Variants in KIF6 observed in about 807,000 individuals in gnomAD.
KIF6 encodes kinesin-like protein KIF6.
KIF6 carries 106 observed loss-of-function variants against 112.7 expected under a neutral mutation model. The ratio of observed to expected loss-of-function variants is 0.94; its 90% CI spans 0.80 to 1.11. KIF6 has a LOEUF of 1.11. Among genes scored for constraint, KIF6 ranks in the 50% least tolerant of loss-of-function variants. The pLI, the probability that KIF6 is intolerant of heterozygous loss-of-function variation, is 0.00. For missense variants in KIF6, 929 were observed against 964.0 expected, an observed-to-expected ratio of 0.96 and a Z score of 0.48; for synonymous variants, 339 against 339.9, an observed-to-expected ratio of 1.00 and a Z score of 0.03.
At chr6:39,531,050 A>G (rs1016866762) in intron 13 of KIF6, among the ~76,000 whole-genome samples, 1 of 151,998 alleles carries the variant, frequency 6.6e-6, no homozygotes, top group African/African-American at 2.4e-5. Context: ...TCCCCAATCA[A>G]TCCCTCCCCC....
intron 3 of KIF6, chr6:39,691,942 A>T (rs1788234262): frequency 6.6e-6 from 1 of 152,224 alleles, no homozygotes; most frequent in Non-Finnish European, 1.5e-5. Flanking sequence ...AGAATACAGG[A>T]TACATTTCTA....
chr6:39,648,226 G>GGGGGT (rs1785281366), intron 3 of KIF6, among the ~76,000 whole-genome samples: 1 of 109,140 alleles, frequency 9.2e-6, no homozygotes, highest in Non-Finnish European at 1.9e-5. Context: ...GGGCGGGCGG[G>GGGGGT]GGGGGGTGCC....
chr6:39,386,087 A>G (rs574328170), intron 15 of KIF6, among the ~76,000 whole-genome samples: 1 of 152,348 alleles, frequency 6.6e-6, no homozygotes, highest in African/African-American at 2.4e-5. Flanking sequence ...AACTGTGTCA[A>G]ATAAAAAAAG....
At chr6:39,501,271 A>AAAACAAAC (rs10656361) in intron 13 of KIF6, among the ~76,000 whole-genome samples, 5 of 152,112 alleles carry the variant, frequency 3.3e-5, no homozygotes, top group African/African-American at 1.2e-4. Flanking sequence ...TGTTAAAAGA[A>AAAACAAAC]AAACAAACAA....
chr6:39,375,652 G>A (rs914653868), intron 16 of KIF6, among the ~76,000 whole-genome samples: 5 of 152,108 alleles, frequency 3.3e-5, no homozygotes, highest in Admixed American at 2.6e-4. Context: ...TGGCTGCCCT[G>A]GTTCCCAGGC....
At chr6:39,656,534 A>G (rs761611399) in intron 3 of KIF6, among the ~76,000 whole-genome samples, 4 of 152,174 alleles carry the variant, frequency 2.6e-5, no homozygotes, top group Non-Finnish European at 5.9e-5. Flanking sequence ...GGCTTTCCAT[A>G]ACCTGGAATA....
intron 3 of KIF6, among the ~76,000 whole-genome samples, chr6:39,653,203 T>C (rs979452776): frequency 1.1e-4 from 17 of 152,170 alleles, no homozygotes; most frequent in African/African-American, 4.1e-4. Flanking sequence ...TTTGCAATAC[T>C]TTCCTCTGGA....
chr6:39,400,445 A>T lies in KIF6; in HGVS notation c.1811-14773T>A, dbSNP rs145636155. On this transcript the variant is annotated intron_variant, in intron 15 of 22. Coordinates refer to ENST00000287152, the MANE Select transcript of KIF6 (RefSeq NM_145027.6). Reference sequence around the variant, plus strand: ...AAAATATCAAAAGCAAGTATTTTTCAGACAGCTTTATACCGGCCACACTGG... The same window carrying T: ...AAAATATCAAAAGCAAGTATTTTTCTGACAGCTTTATACCGGCCACACTGG... Among the ~76,000 whole-genome samples, 729 of 152,374 alleles carry T rather than the reference A, an allele frequency of 4.8e-3. 4 individuals are homozygous for T. The highest frequency in any genetic ancestry group is 0.013 in the African/African-American group (531 of 41,598).
At chr6:39,723,065 C>G (rs1049549970) in intron 1 of KIF6, among the ~76,000 whole-genome samples, 1 of 152,186 alleles carries the variant, frequency 6.6e-6, no homozygotes, top group South Asian at 2.1e-4. Context: ...TAGATAAGCT[C>G]AACAGTTTAA....
chr6:39,662,191 G>C (rs932796830), intron 3 of KIF6, among the ~76,000 whole-genome samples: 5 of 152,164 alleles, frequency 3.3e-5, no homozygotes, highest in African/African-American at 1.2e-4. Flanking sequence ...AGTGGTGTAA[G>C]TACATTTGAT....
chr6:39,583,674 CTTTTTTTTTT>C (rs564229262), intron 9 of KIF6, among the ~76,000 whole-genome samples: 267 of 71,658 alleles, frequency 3.7e-3, no homozygotes, highest in African/African-American at 0.011. Flanking sequence ...GATTTCACTT[CTTTTTTTTTT>C]TTTTTTTTTT....
chr6:39,555,945 C>T (rs550814698), intron 10 of KIF6, among the ~76,000 whole-genome samples: 135 of 118,032 alleles, frequency 1.1e-3, no homozygotes, highest in African/African-American at 4.8e-3. Context: ...CAGAGTGAGA[C>T]GCTGTCTCAA....
intron 5 of KIF6, among the ~76,000 whole-genome samples, chr6:39,626,341 GAC>G (rs1328351559): frequency 1.3e-5 from 2 of 152,140 alleles, no homozygotes; most frequent in South Asian, 4.1e-4. Context: ...CACCCAGACT[GAC>G]ACAAGTGGCT....
chr6:39,346,051 T>C (rs1031533920), intron 20 of KIF6, among the ~76,000 whole-genome samples: 16 of 14,108 alleles, frequency 1.1e-3, no homozygotes, highest in Non-Finnish European at 2.0e-3. Context: ...ACTACAGTGC[T>C]CTCTCTCTCT....
intron 10 of KIF6, among the ~76,000 whole-genome samples, chr6:39,551,500 T>A (rs189617351): frequency 1.3e-5 from 2 of 152,296 alleles, no homozygotes; most frequent in East Asian, 3.9e-4. Flanking sequence ...GGAATTGGAA[T>A]GTTCCTAACA....
At chr6:39,511,592 G>GTA (rs1044963506) in intron 13 of KIF6, among the ~76,000 whole-genome samples, 1 of 152,158 alleles carries the variant, frequency 6.6e-6, no homozygotes, top group Non-Finnish European at 1.5e-5. Flanking sequence ...CCATTACTGG[G>GTA]TATATACCCA....
intron 2 of KIF6, among the ~76,000 whole-genome samples, chr6:39,719,014 A>C (rs1254425217): frequency 6.6e-6 from 1 of 152,154 alleles, no homozygotes; most frequent in African/African-American, 2.4e-5. Flanking sequence ...CAAAAAAAGC[A>C]AATAAGAATT....
intron 13 of KIF6, among the ~76,000 whole-genome samples, chr6:39,484,967 G>A (rs1181439186): frequency 6.6e-6 from 1 of 152,204 alleles, no homozygotes; most frequent in Non-Finnish European, 1.5e-5. Context: ...TCCCATGGGG[G>A]TTCTTTATCA....
At chr6:39,563,495 T>G (rs1780120122) in intron 10 of KIF6, among the ~76,000 whole-genome samples, 1 of 152,242 alleles carries the variant, frequency 6.6e-6, no homozygotes, top group Admixed American at 6.5e-5. Context: ...TATATATATG[T>G]AGATAATATA....
Sources: gnomAD v4.1 joint callset for allele counts (sites outside exome capture counted in the v4.1 genomes callset) on GRCh38, gnomAD v4.1.1 for gene constraint, MANE v1.5 for transcripts, NCBI Gene and HGNC (gene_info 2026-07-23, HGNC 2026-07-21) for gene names.